PRKAR1A: variants seen among roughly 807,000 people sequenced by gnomAD.
The protein encoded by PRKAR1A is protein kinase cAMP-dependent type I regulatory subunit alpha.
A neutral mutation model predicts 52.0 loss-of-function variants in PRKAR1A; 3 were observed. The ratio of observed to expected loss-of-function variants is 0.06; its 90% CI spans 0.03 to 0.15. The LOEUF (loss-of-function observed/expected upper bound fraction) is 0.15, where lower values mean the gene tolerates loss of function less well. PRKAR1A is among the 10% of genes least tolerant of loss of function. PRKAR1A has a pLI of 1.00. For missense variants in PRKAR1A, 240 were observed against 477.4 expected, an observed-to-expected ratio of 0.50 and a Z score of 4.63; for synonymous variants, 188 against 168.4, an observed-to-expected ratio of 1.12 and a Z score of -0.90.
chr17:68,428,993 C>T, the PRKAR1A span: 1 of 1,353,528 alleles, frequency 7.4e-7, no homozygotes, highest in Admixed American at 1.8e-5. Context: ...GATGGATTCG[C>T]TTCCAATGAC....
chr17:68,527,707 C>A, intron 7 of PRKAR1A, 133 bp from the exon 8 acceptor site: 1 of 700,402 alleles, frequency 1.4e-6, no homozygotes, highest in African/African-American at 1.8e-5. Flanking sequence ...ATTAAACTTT[C>A]CTCATTAAAA....
At chr17:68,515,781 T>C (rs2085413705) in intron 2 of PRKAR1A, 1 of 653,402 alleles carries the variant, frequency 1.5e-6, no homozygotes, top group Non-Finnish European at 2.5e-6. Flanking sequence ...AAAATGAACC[T>C]GTATGCTAAC....
the PRKAR1A span, among the ~76,000 whole-genome samples, chr17:68,483,392 A>T: frequency 6.6e-6 from 1 of 152,154 alleles, no homozygotes; most frequent in African/African-American, 2.4e-5. Context: ...GAGGCAGGAG[A>T]ATCACTTGAA....
intron 1 of PRKAR1A, among the ~76,000 whole-genome samples, chr17:68,514,044 A>G (rs1383181620): frequency 1.3e-5 from 2 of 152,176 alleles, no homozygotes; most frequent in East Asian, 1.9e-4. Flanking sequence ...GTATAAATCT[A>G]TCCTAAAGTA....
At chr17:68,545,672 C>T (rs1033038671) in intron 11 of PRKAR1A, among the ~76,000 whole-genome samples, 17 of 152,120 alleles carry the variant, frequency 1.1e-4, no homozygotes, top group Admixed American at 5.9e-4. Context: ...ATCTGTAGCA[C>T]GCAATGCTGT....
chr17:68,513,374 CACTT>C (rs1555811328), intron 1 of PRKAR1A: 4 of 152,304 alleles, frequency 2.6e-5, no homozygotes, highest in Non-Finnish European at 5.9e-5. Context: ...GGAAAGCAAA[CACTT>C]ACTCAAGATG....
chr17:68,547,343 A>T (rs2086617985), intron 11 of PRKAR1A, among the ~76,000 whole-genome samples: 1 of 152,214 alleles, frequency 6.6e-6, no homozygotes, highest in African/African-American at 2.4e-5. Context: ...ACATATGTAT[A>T]CATGTGTGTT....
At chr17:68,487,152 G>A in the PRKAR1A span, among the ~76,000 whole-genome samples, 5 of 152,178 alleles carry the variant, frequency 3.3e-5, no homozygotes, top group African/African-American at 4.8e-5. Context: ...GATTACAGGC[G>A]TGAGCCACTG....
At chr17:68,518,823 A>G (rs1034557282) in intron 2 of PRKAR1A, among the ~76,000 whole-genome samples, 2 of 152,190 alleles carry the variant, frequency 1.3e-5, no homozygotes, top group Non-Finnish European at 2.9e-5. Flanking sequence ...AAATTTTTCA[A>G]GCTCTGCTTC....
the PRKAR1A span, among the ~76,000 whole-genome samples, chr17:68,489,194 AT>A: frequency 3.3e-5 from 1 of 30,506 alleles, no homozygotes; most frequent in South Asian, 1.0e-3. Flanking sequence ...AAGTATATAT[AT>A]ATATATATAT....
In PRKAR1A at chr17:68,533,072, T is replaced by C. The variant is rs2086020023; in HGVS notation, c.*2623T>C. The C allele has an allele frequency of 9.4e-7, 1 of 1,065,598 alleles. No individual in the cohort carries two copies. The highest frequency in any genetic ancestry group is 4.5e-5 in the South Asian group (1 of 21,982). The allele number at this position is 1,065,598 out of a possible 1,614,324, so 66.0% of individuals were successfully genotyped here. ...GATTGGTTCTGTGGCCTTGGAACTT[T>C]CCCAGACTTAATGGGGAAACATCAT... is the stretch of plus-strand genomic sequence containing the variant. On this transcript the variant is annotated 3_prime_UTR_variant, in exon 11 of 11. Transcript: ENST00000589228.
At chr17:68,475,932 AT>A in the PRKAR1A span, among the ~76,000 whole-genome samples, 1 of 152,008 alleles carries the variant, frequency 6.6e-6, no homozygotes, top group Non-Finnish European at 1.5e-5. Context: ...TTTAAAGTTG[AT>A]TTCAAATTTT....
At chr17:68,445,713 A>G in the PRKAR1A span, among the ~76,000 whole-genome samples, 9 of 152,352 alleles carry the variant, frequency 5.9e-5, no homozygotes, top group East Asian at 1.2e-3. Context: ...TTAAAGGAAT[A>G]TAACGCATAG....
the PRKAR1A span, among the ~76,000 whole-genome samples, chr17:68,478,231 A>G: frequency 1.3e-5 from 2 of 152,098 alleles, no homozygotes; most frequent in Non-Finnish European, 2.9e-5. Flanking sequence ...AGGGGGGTGG[A>G]TCATGAGGTC....
chr17:68,420,856 T>C, the PRKAR1A span: 1 of 191,346 alleles, frequency 5.2e-6, no homozygotes, highest in Non-Finnish European at 1.1e-5. Context: ...AGTTTCCTTG[T>C]TTCTCTGGTT....
the PRKAR1A span, among the ~76,000 whole-genome samples, chr17:68,494,807 C>T: frequency 2.0e-5 from 3 of 152,102 alleles, no homozygotes. Context: ...AGGTGAATGC[C>T]ACCCCTGACC....
chr17:68,471,866 T>C, the PRKAR1A span, among the ~76,000 whole-genome samples: 4 of 152,128 alleles, frequency 2.6e-5, no homozygotes, highest in Non-Finnish European at 4.4e-5. Flanking sequence ...AGTGGCGCGA[T>C]CTCGGCTCAC....
chr17:68,468,309 A>G, the PRKAR1A span, among the ~76,000 whole-genome samples: 1 of 152,158 alleles, frequency 6.6e-6, no homozygotes, highest in Non-Finnish European at 1.5e-5. Flanking sequence ...AGATTGGGAG[A>G]GAGATCTAGG....
chr17:68,518,369 C>T (rs762129251), intron 2 of PRKAR1A, among the ~76,000 whole-genome samples: 1 of 152,242 alleles, frequency 6.6e-6, no homozygotes, highest in East Asian at 1.9e-4. Context: ...AAACTTCTGT[C>T]TGGGCATCCA....
Sources: allele counts gnomAD v4.1 joint callset (sites outside exome capture counted in the v4.1 genomes callset), GRCh38; gene constraint gnomAD v4.1.1; transcripts MANE v1.5; gene names NCBI Gene and HGNC (gene_info 2026-07-23, HGNC 2026-07-21).